CSPP1: variants seen among roughly 807,000 people sequenced by gnomAD.
CSPP1 encodes the protein centrosome and spindle pole-associated protein 1.
Under a neutral mutation model 164.4 loss-of-function variants are expected in CSPP1, and 126 were observed. The ratio of observed to expected loss-of-function variants is 0.77; its 90% CI spans 0.66 to 0.89. The LOEUF is 0.89. Ranked by LOEUF, CSPP1 falls within the 40% of genes least tolerant of loss-of-function variation. The pLI is 0.00. For synonymous variants in CSPP1, 472 were observed against 476.7 expected, an observed-to-expected ratio of 0.99 and a Z score of 0.13; for missense variants, 1,395 against 1,449.8, an observed-to-expected ratio of 0.96 and a Z score of 0.61.
At chr8:67,080,786 G>A (rs1327902147) in intron 3 of CSPP1, 6 of 152,186 alleles carry the variant, frequency 3.9e-5, no homozygotes, top group African/African-American at 9.7e-5. Context: ...GGTCTGGGAC[G>A]GTCCAAACAT....
chr8:67,159,876 CTTTCTTTCTTTCTT>C (rs1827553340), intron 21 of CSPP1, among the ~76,000 whole-genome samples: 1 of 57,438 alleles, frequency 1.7e-5, no homozygotes, highest in Non-Finnish European at 3.2e-5. Context: ...TTCTTTCTTT[CTTTCTTTCTTTCTT>C]TCTTTCTTTC....
chr8:67,158,240 CTGTT>C (rs917702733), intron 19 of CSPP1, among the ~76,000 whole-genome samples: 5 of 152,138 alleles, frequency 3.3e-5, no homozygotes, highest in Non-Finnish European at 5.9e-5. Context: ...GTCACACGGT[CTGTT>C]TGGTGGAACT....
At position 67,161,927 on chromosome 8, in the gene CSPP1, T is replaced by A. The variant is rs372845345; in HGVS notation, c.2643+12T>A. On this transcript the variant is annotated intron_variant, in intron 22 of 30. Transcript: ENST00000678616. ...GTTCCTTTATTCATGTATGTACTTT[T>A]GTTTTTATTTGTTCATCCTAGCTCA... 2.0e-6 allele frequency: 3 copies of A among 1,493,752 alleles called. No individual in the cohort carries two copies. The highest frequency in any genetic ancestry group is 2.8e-5 in the African/African-American group (2 of 71,914). 92.5% of individuals were successfully genotyped at this position (1,493,752 alleles called of 1,614,324 possible).
intron 17 of CSPP1, among the ~76,000 whole-genome samples, chr8:67,146,657 A>G (rs1270559463): frequency 6.6e-6 from 1 of 152,220 alleles, no homozygotes; most frequent in African/African-American, 2.4e-5. Flanking sequence ...CTGGGTTTAT[A>G]GTAACATTTA....
intron 13 of CSPP1, among the ~76,000 whole-genome samples, chr8:67,117,811 A>G (rs1200400508): frequency 6.6e-6 from 1 of 152,088 alleles, no homozygotes; most frequent in Non-Finnish European, 1.5e-5. Flanking sequence ...TGTGATTTAA[A>G]TGTCCCTTCT....
chr8:67,110,613 C>G (rs576719411), intron 9 of CSPP1, among the ~76,000 whole-genome samples: 46 of 152,276 alleles, frequency 3.0e-4, no homozygotes, highest in African/African-American at 1.0e-3. Flanking sequence ...GATCTTTGCT[C>G]CATAACTTCT....
At chr8:67,154,599 C>T (rs1826325276) in intron 19 of CSPP1, among the ~76,000 whole-genome samples, 1 of 151,876 alleles carries the variant, frequency 6.6e-6, no homozygotes, top group Non-Finnish European at 1.5e-5. Context: ...ATCTCCTGAC[C>T]TCGTGATCTG....
chr8:67,079,148 G>T (rs939300282), intron 3 of CSPP1, among the ~76,000 whole-genome samples: 2 of 152,084 alleles, frequency 1.3e-5, no homozygotes, highest in Non-Finnish European at 2.9e-5. Context: ...CATTCCCCGA[G>T]TGTCCATATC....
rs1170045391 is a variant in CSPP1, at chr8:67,064,450, C to G, written c.-99C>G. 1 of 1,613,984 alleles carries G rather than the reference C, an allele frequency of 6.2e-7. No individual in the cohort carries two copies. Among genetic ancestry groups the G allele is most frequent in the Non-Finnish European group, 8.5e-7 (1 of 1,179,904 alleles). ...TGTAACCTCTTCGGTCCGCGACGAT[C>G]CTCTAGAGCACTGTGTGTCTCCCCG... is the stretch of plus-strand genomic sequence containing the variant. On this transcript the variant is annotated 5_prime_UTR_variant, in exon 1 of 31. The change creates a new upstream start codon in the 5' untranslated region. Coordinates refer to ENST00000678616, the MANE Select transcript of CSPP1 (RefSeq NM_001382391.1).
At chr8:67,067,844 T>C (rs999818389) in intron 1 of CSPP1, among the ~76,000 whole-genome samples, 5 of 151,890 alleles carry the variant, frequency 3.3e-5, no homozygotes, top group Admixed American at 6.6e-5. Context: ...AGAATTGATC[T>C]GTTGATTTCT....
In CSPP1 at chr8:67,195,553, G is replaced by A; in HGVS notation, c.3641G>A (p.Gly1214Asp). The A allele has an allele frequency of 6.2e-6, 10 of 1,614,184 alleles. No individual in the cohort carries two copies. In the Middle Eastern group the frequency reaches 1.2e-3, roughly 187 times the overall value. Residue 1214 changes from glycine (G) to aspartate (D), a missense_variant, in exon 31 of 31, where the codon GGC (glycine) becomes GAC (aspartate). Transcript: ENST00000678616. ...CAGCAGCAGATTCCTGGAAAACCAG[G>A]CACTTTCACTTGGCAGGGCCTGTCG... Reference protein sequence around the residue: ...QEQQQIPGKPGTFTWQGLSTA... With the variant: ...QEQQQIPGKPDTFTWQGLSTA...
rs775794851 is a variant in CSPP1, at chr8:67,175,444, A to G, written c.3109+8A>G. 3 of 1,614,104 alleles carry G rather than the reference A, an allele frequency of 1.9e-6. No homozygotes were observed. Among genetic ancestry groups the G allele is most frequent in the Admixed American group, 1.7e-5 (1 of 60,032 alleles). ...TGCAGGAAGGTGCCAAAGGTAAGAAATAATCATTGCTGTGTCAAATAGTAT... is the reference window on the plus strand; with the variant it reads ...TGCAGGAAGGTGCCAAAGGTAAGAAGTAATCATTGCTGTGTCAAATAGTAT... On this transcript the variant is annotated splice_region_variant and intron_variant, in intron 26 of 30. Coordinates refer to ENST00000678616, the MANE Select transcript of CSPP1 (RefSeq NM_001382391.1).
At chr8:67,090,742 A>G (rs1811447159) in intron 4 of CSPP1, among the ~76,000 whole-genome samples, 1 of 152,222 alleles carries the variant, frequency 6.6e-6, no homozygotes, top group African/African-American at 2.4e-5. Flanking sequence ...ATATAGGGAA[A>G]ATATATTTGT....
chr8:67,192,381 C>A (rs1232341250), intron 29 of CSPP1, among the ~76,000 whole-genome samples: 1 of 152,106 alleles, frequency 6.6e-6, no homozygotes, highest in Admixed American at 6.5e-5. Context: ...AGCCCTTTGT[C>A]CATTTTCAAA....
chr8:67,104,528 G>A lies in CSPP1; in HGVS notation c.1023-1377G>A, dbSNP rs187630259. On this transcript the variant is annotated intron_variant, in intron 8 of 30. Coordinates refer to ENST00000678616, the MANE Select transcript of CSPP1 (RefSeq NM_001382391.1). ...TGGGATTACAGGCATGAGCCATTGC[G>A]CATGGCCAGGAAGGAGTGTTTTTAG... is the stretch of plus-strand genomic sequence containing the variant. 6.4e-4 allele frequency among the ~76,000 whole-genome samples: 96 copies of A among 150,446 alleles called. 2 individuals are homozygous for A. The highest frequency in any genetic ancestry group is 3.7e-3 in the Middle Eastern group (1 of 268).
At chr8:67,143,537 A>G (rs1172979746) in intron 17 of CSPP1, among the ~76,000 whole-genome samples, 3 of 152,120 alleles carry the variant, frequency 2.0e-5, no homozygotes, top group Non-Finnish European at 4.4e-5. Context: ...CATCTTAATA[A>G]TATTGAGCCT....
At chr8:67,159,949 C>CTTT (rs1477786503) in intron 21 of CSPP1, among the ~76,000 whole-genome samples, 5 of 36,380 alleles carry the variant, frequency 1.4e-4, no homozygotes, top group Admixed American at 6.3e-4. Flanking sequence ...TTCCTTCCTT[C>CTTT]CTTCCTTCTT....
At chr8:67,145,354 G>A (rs1824310148) in intron 17 of CSPP1, among the ~76,000 whole-genome samples, 1 of 151,812 alleles carries the variant, frequency 6.6e-6, no homozygotes, top group Non-Finnish European at 1.5e-5. Flanking sequence ...AATCTGTCTG[G>A]CTGGATGTTT....
intron 1 of CSPP1, among the ~76,000 whole-genome samples, chr8:67,065,376 A>G (rs1393703685): frequency 6.6e-6 from 1 of 152,164 alleles, no homozygotes; most frequent in African/African-American, 2.4e-5. Flanking sequence ...GATTGCGGGG[A>G]AGACTAAATT....
Sources: gnomAD v4.1 joint callset for allele counts (sites outside exome capture counted in the v4.1 genomes callset) on GRCh38, gnomAD v4.1.1 for gene constraint, MANE v1.5 for transcripts, NCBI Gene and HGNC (gene_info 2026-07-23, HGNC 2026-07-21) for gene names.